The following CCSER1 variants were observed in gnomAD, a reference collection of about 807,000 sequenced individuals.
The protein encoded by CCSER1 is coiled-coil serine rich protein 1.
CCSER1 carries 41 observed loss-of-function variants against 82.0 expected under a neutral mutation model. The ratio of observed to expected loss-of-function variants is 0.50; its 90% CI spans 0.39 to 0.65. The LOEUF (loss-of-function observed/expected upper bound fraction) is 0.65. CCSER1 is among the 30% of genes least tolerant of loss of function. The probability of loss-of-function intolerance (pLI) is 0.00; values close to 1 mark genes in which losing one functional copy is unlikely to be tolerated. For missense variants in CCSER1, 1,119 were observed against 1,064.2 expected, an observed-to-expected ratio of 1.05 and a Z score of -0.72; for synonymous variants, 414 against 383.9, an observed-to-expected ratio of 1.08 and a Z score of -0.92.
intron 1 of CCSER1, among the ~76,000 whole-genome samples, chr4:90,188,963 A>G (rs899054331): frequency 6.6e-6 from 1 of 151,964 alleles, no homozygotes; most frequent in Non-Finnish European, 1.5e-5. Context: ...CACACAATAA[A>G]GAGGACTTGA....
intron 10 of CCSER1, among the ~76,000 whole-genome samples, chr4:91,183,235 A>G (rs1273219018): frequency 1.3e-5 from 2 of 152,236 alleles, no homozygotes; most frequent in Admixed American, 1.3e-4. Context: ...ATGAAGAATC[A>G]GAAATCACAT....
chr4:91,482,808 G>A (rs1321822334), intron 10 of CCSER1, among the ~76,000 whole-genome samples: 3 of 152,118 alleles, frequency 2.0e-5, no homozygotes, highest in Admixed American at 6.5e-5. Flanking sequence ...CATGGATGAA[G>A]CTGGAAACCG....
At chr4:91,069,796 A>G (rs1721234582) in intron 9 of CCSER1, among the ~76,000 whole-genome samples, 1 of 152,156 alleles carries the variant, frequency 6.6e-6, no homozygotes, top group African/African-American at 2.4e-5. Flanking sequence ...TGACCTTGGG[A>G]AGGTTGTGGG....
At chr4:91,320,659 A>T (rs1746134159) in intron 10 of CCSER1, among the ~76,000 whole-genome samples, 2 of 152,072 alleles carry the variant, frequency 1.3e-5, no homozygotes, top group Admixed American at 1.3e-4. Flanking sequence ...TAATATTTAA[A>T]TGCACTGTAA....
chr4:91,575,549 T>A (rs1763411230), intron 10 of CCSER1, among the ~76,000 whole-genome samples: 1 of 151,788 alleles, frequency 6.6e-6, no homozygotes, highest in Admixed American at 6.6e-5. Context: ...TTAAAATGGG[T>A]AAAGGATATG....
intron 4 of CCSER1, among the ~76,000 whole-genome samples, chr4:90,447,110 G>A (rs1219784332): frequency 4.6e-5 from 7 of 152,154 alleles, no homozygotes; most frequent in Admixed American, 4.6e-4. Context: ...ACTCTGCAGG[G>A]ATTGAAAACT....
At chr4:91,187,329 T>A (rs1734639835) in intron 10 of CCSER1, among the ~76,000 whole-genome samples, 1 of 152,246 alleles carries the variant, frequency 6.6e-6, no homozygotes, top group Non-Finnish European at 1.5e-5. Context: ...TCTGTCCATT[T>A]CTTTTTACCT....
At chr4:91,018,314 G>A (rs183558567) in intron 9 of CCSER1, among the ~76,000 whole-genome samples, 26 of 152,054 alleles carry the variant, frequency 1.7e-4, no homozygotes, top group African/African-American at 5.5e-4. Context: ...ATTGCCCTCC[G>A]TCTTTTCTTA....
Position 90,567,362 on chromosome 4 carries a change from C to G in CCSER1, c.1725-60663C>G, listed in dbSNP as rs78121280. On this transcript the variant is annotated intron_variant, in intron 5 of 10. Coordinates refer to ENST00000509176, the MANE Select transcript of CCSER1 (RefSeq NM_001145065.2). ...CTGGAGCGCAGTGGCGCCATCTCGG[C>G]TCACTGCAACCTCCGCCTTCCAGGT... is the stretch of plus-strand genomic sequence containing the variant. Among the ~76,000 whole-genome samples, 44 of 150,652 alleles carry G rather than the reference C, an allele frequency of 2.9e-4. No homozygotes were observed. The East Asian group carries it at 8.2e-3, about 28-fold the overall frequency.
intron 3 of CCSER1, among the ~76,000 whole-genome samples, chr4:90,330,568 T>TA (rs1739096037): frequency 6.6e-6 from 1 of 152,044 alleles, no homozygotes; most frequent in African/African-American, 2.4e-5. Flanking sequence ...GACCCAGCCG[T>TA]CCACTGGAAG....
intron 10 of CCSER1, among the ~76,000 whole-genome samples, chr4:91,563,338 A>T (rs1366396879): frequency 1.3e-5 from 2 of 151,708 alleles, no homozygotes; most frequent in Non-Finnish European, 3.0e-5. Context: ...GATGAAGTGG[A>T]ATTTATCCAT....
chr4:90,822,853 C>A (rs1386835023), intron 8 of CCSER1, among the ~76,000 whole-genome samples: 1 of 150,806 alleles, frequency 6.6e-6, no homozygotes, highest in Non-Finnish European at 1.5e-5. Context: ...ACTTTAATAA[C>A]AGCCCTTAAT....
chr4:91,572,052 A>T (rs890581050), intron 10 of CCSER1, among the ~76,000 whole-genome samples: 4 of 152,030 alleles, frequency 2.6e-5, no homozygotes, highest in African/African-American at 9.7e-5. Context: ...CTGTTCAGGG[A>T]GTTGCCAAGT....
intron 9 of CCSER1, among the ~76,000 whole-genome samples, chr4:91,075,109 A>T (rs1260214878): frequency 6.6e-6 from 1 of 151,922 alleles, no homozygotes; most frequent in African/African-American, 2.4e-5. Flanking sequence ...GTGGGTCTGT[A>T]TGCCAGCGCA....
chr4:91,603,647 C>T lies in CCSER1; in HGVS notation c.*4590C>T, dbSNP rs1194954289. Reference sequence around the variant, plus strand: ...GACATACATACTTCTTCCACCTGAACATAAAATTCAAGAATAGGAGCATCC... The same window carrying T: ...GACATACATACTTCTTCCACCTGAATATAAAATTCAAGAATAGGAGCATCC... On this transcript the variant is annotated 3_prime_UTR_variant, in exon 11 of 11. Transcript: ENST00000509176. 1.3e-5 allele frequency: 2 copies of T among 152,090 alleles called. No individual in the cohort carries two copies. The highest frequency in any genetic ancestry group is 2.9e-5 in the Non-Finnish European group (2 of 68,006). 9.4% of individuals were successfully genotyped at this position (152,090 alleles called of 1,614,324 possible).
At chr4:90,213,227 A>G (rs980248348) in intron 1 of CCSER1, among the ~76,000 whole-genome samples, 2 of 152,132 alleles carry the variant, frequency 1.3e-5, no homozygotes, top group African/African-American at 4.8e-5. Flanking sequence ...GAGGATTAAT[A>G]TGAAGTGTGT....
chr4:90,610,982 A>G (rs540036816), intron 5 of CCSER1, among the ~76,000 whole-genome samples: 1 of 151,318 alleles, frequency 6.6e-6, no homozygotes, highest in African/African-American at 2.4e-5. Context: ...GGTTCAAGCA[A>G]TTCTCCTGCC....
chr4:90,945,807 T>C (rs1732167391), intron 9 of CCSER1, among the ~76,000 whole-genome samples: 1 of 152,226 alleles, frequency 6.6e-6, no homozygotes, highest in African/African-American at 2.4e-5. Flanking sequence ...CACTCTACAG[T>C]TCAATAATGG....
intron 7 of CCSER1, among the ~76,000 whole-genome samples, chr4:90,726,118 G>A (rs1215632460): frequency 1.3e-5 from 2 of 151,908 alleles, no homozygotes; most frequent in Non-Finnish European, 2.9e-5. Flanking sequence ...CTTCTGGGAA[G>A]TAATTAGATT....
Sources: gnomAD v4.1 joint callset for allele counts (sites outside exome capture counted in the v4.1 genomes callset) on GRCh38, gnomAD v4.1.1 for gene constraint, MANE v1.5 for transcripts, NCBI Gene and HGNC (gene_info 2026-07-23, HGNC 2026-07-21) for gene names.